Variants in ID3 observed in about 807,000 individuals in gnomAD.
ID3 encodes the protein inhibitor of DNA binding 3, also known as DNA-binding protein inhibitor ID-3.
ID3 carries 4 observed loss-of-function variants against 9.6 expected under a neutral mutation model. That is an observed-to-expected ratio of 0.42 (90% CI 0.21 to 0.96). The LOEUF is 0.96. Among genes scored for constraint, ID3 ranks in the 40% least tolerant of loss-of-function variants. The pLI is 0.30. For synonymous variants in ID3, 108 were observed against 75.2 expected, an observed-to-expected ratio of 1.44 and a Z score of -2.26; for missense variants, 191 against 164.5, an observed-to-expected ratio of 1.16 and a Z score of -0.88.
rs960108335 is a variant in ID3 at position 23,559,348 on chromosome 1, C to T, written c.79G>A (p.Gly27Ser). The T allele has an allele frequency of 9.9e-6, 16 of 1,613,354 alleles. No individual in the cohort carries two copies. The highest frequency in any genetic ancestry group is 1.3e-5 in the Non-Finnish European group (15 of 1,180,052). ...TCAGCTGCCGGGCCCTTCCCTCGGC[C>T]CCGGGCGATGGCCAGACTGCGTTCC... is the stretch of plus-strand genomic sequence containing the variant. ...LSERSLAIAR[G>S]RGKGPAAEEP... is the part of the protein sequence containing the mutation. Residue 27 changes from glycine to serine, a missense_variant, in exon 1 of 3, where the codon GGC becomes AGC. Transcript: ENST00000374561.
rs1643693504 is a variant in ID3 at position 23,559,480 on chromosome 1, C to T, written c.-54G>A. On this transcript the variant is annotated 5_prime_UTR_variant, in exon 1 of 3. Coordinates refer to ENST00000374561, the MANE Select transcript of ID3 (RefSeq NM_002167.5). ...AAGAGAAAGAAAACCAAAAGAAGTC[C>T]CGCTACAGTGACCTGCAACGCGCGC... 5 of 1,561,472 alleles carry T rather than the reference C, an allele frequency of 3.2e-6. No homozygotes were observed. The highest frequency in any genetic ancestry group is 3.5e-6 in the Non-Finnish European group (4 of 1,152,736).
At position 23,558,359 on chromosome 1, in the gene ID3, C is replaced by G. The variant is rs1156290748; in HGVS notation, c.*82G>C. Reference sequence around the variant, plus strand: ...GTTGGGGCCCATCCCTGCCGTCCGGCTTCCGGCAGGAGAGGTTCCCGGGGT... The same window carrying G: ...GTTGGGGCCCATCCCTGCCGTCCGGGTTCCGGCAGGAGAGGTTCCCGGGGT... On this transcript the variant is annotated 3_prime_UTR_variant, in exon 3 of 3. Transcript: ENST00000374561. 2 of 153,134 alleles carry G rather than the reference C, an allele frequency of 1.3e-5. No homozygotes were observed. The highest frequency in any genetic ancestry group is 2.9e-5 in the Non-Finnish European group (2 of 68,720). The allele number at this position is 153,134 out of a possible 1,614,324, so 9.5% of individuals were successfully genotyped here. A position where few individuals can be genotyped will look rare whatever the true frequency, so the allele number is the denominator to read the frequency against.
In ID3 at chr1:23,558,265, T is replaced by C. The variant is rs1643671444; in HGVS notation, c.*176A>G. 6.6e-6 allele frequency: 1 copy of C among 152,554 alleles called. No homozygotes were observed. Among genetic ancestry groups the C allele is most frequent in the Non-Finnish European group, 1.5e-5 (1 of 68,142 alleles). 9.5% of individuals were successfully genotyped at this position (152,554 alleles called of 1,614,324 possible). On this transcript the variant is annotated 3_prime_UTR_variant, in exon 3 of 3. Transcript: ENST00000374561. ...GGCTCTTCAGGCCACAAGTTCACAG[T>C]CCTTCGCTCCTGAGCACCAGGTTTA... is the stretch of plus-strand genomic sequence containing the variant.
Position 23,558,973 on chromosome 1 carries a change from C to T in ID3, c.347G>A (p.Ser116Asn). 2.5e-6 allele frequency: 4 copies of T among 1,614,108 alleles called. No individual in the cohort carries two copies. The highest frequency in any genetic ancestry group is 3.4e-6 in the Non-Finnish European group (4 of 1,179,974). The change falls in exon 2 of 3, where the codon AGC becomes AAC. Residue 116 changes from serine to asparagine, a missense_variant. By Grantham distance (46) the Ser-to-Asn change is conservative. Coordinates refer to ENST00000374561, the MANE Select transcript of ID3 (RefSeq NM_002167.5). ...GACACGGCCGAGTCAGTGGCAAAAG[C>T]TCCTTTTGTCGTTGGAGATGACAAG... is the stretch of plus-strand genomic sequence containing the variant. ...PELVISNDKR[S>N]FCH is the part of the protein sequence containing the mutation.
Position 23,559,044 on chromosome 1 carries a change from G to A in ID3, c.301-25C>T, listed in dbSNP as rs147934602. ...TCTGATTAGAGGAAAAGAGGGAAGA[G>A]TTACGCGAGGCAATCGGGAGCTCCG... On this transcript the variant is annotated intron_variant, in intron 1 of 2. Transcript: ENST00000374561. 9.6e-3 allele frequency: 15,535 copies of A among 1,613,316 alleles called. 92 individuals carry two copies. The highest frequency in any genetic ancestry group is 0.011 in the Non-Finnish European group (13,287 of 1,179,258).
At chr1:23,558,828 C>T (rs1643680707) in intron 2 of ID3, 107 bp downstream of exon 2, 3 of 703,190 alleles carry the variant, frequency 4.3e-6, no homozygotes, top group Non-Finnish European at 5.0e-6. Flanking sequence ...ACTTGTCCCT[C>T]TCTGGCCTCA....
At position 23,559,159 on chromosome 1, in the gene ID3, C is replaced by T; in HGVS notation, c.268G>A (p.Gly90Arg). Residue 90 changes from glycine (G) to arginine (R), a missense_variant, in exon 1 of 3, where the codon GGA becomes AGA. Transcript: ENST00000374561. ...LQVVLAEPAP[G>R]PPDGPHLPIQ... ...GGAAGGTGGGGGCCATCAGGGGGTC[C>T]AGGGGCTGGCTCGGCCAGGACTACC... 6.2e-7 allele frequency: 1 copy of T among 1,614,188 alleles called. No homozygotes were observed. Among genetic ancestry groups the T allele is most frequent in the South Asian group, 1.1e-5 (1 of 91,080 alleles).
At position 23,557,950 on chromosome 1, in the gene ID3, A is replaced by G. The variant is rs776010663; in HGVS notation, c.*491T>C. 3 of 152,672 alleles carry G rather than the reference A, an allele frequency of 2.0e-5. No homozygotes were observed. Among genetic ancestry groups the G allele is most frequent in the Non-Finnish European group, 4.4e-5 (3 of 68,050 alleles). 9.5% of individuals were successfully genotyped at this position (152,672 alleles called of 1,614,324 possible). A position where few individuals can be genotyped will look rare whatever the true frequency, so the allele number is the denominator to read the frequency against. ...ATACACAAGTGTTTAAAAATCGTTT[A>G]TTATGCAAAATGTTAACTTTTATAA... On this transcript the variant is annotated 3_prime_UTR_variant, in exon 3 of 3. Coordinates refer to ENST00000374561, the MANE Select transcript of ID3 (RefSeq NM_002167.5).
At chr1:23,558,888 C>T in intron 2 of ID3, 47 bp downstream of exon 2, 1 of 1,353,436 alleles carries the variant, frequency 7.4e-7, no homozygotes, top group African/African-American at 1.4e-5. Context: ...CTGCCAACTC[C>T]AGGACTTGCC....
At chr1:23,558,891 G>A in intron 2 of ID3, 44 bp downstream of exon 2, 2 of 1,368,584 alleles carry the variant, frequency 1.5e-6, no homozygotes, top group South Asian at 2.4e-5. Flanking sequence ...CCAACTCCAG[G>A]ACTTGCCGTT....
At position 23,558,855 on chromosome 1, in the gene ID3, T is replaced by G; in HGVS notation, c.*25+80A>C. 3 of 900,056 alleles carry G rather than the reference T, an allele frequency of 3.3e-6. No homozygotes were observed. In the South Asian group the frequency reaches 4.4e-5, roughly 13 times the overall value. The allele number at this position is 900,056 out of a possible 1,614,324, so 55.8% of individuals were successfully genotyped here. A position where few individuals can be genotyped will look rare whatever the true frequency, so the allele number is the denominator to read the frequency against. On this transcript the variant is annotated intron_variant, in intron 2 of 2. Coordinates refer to ENST00000374561, the MANE Select transcript of ID3 (RefSeq NM_002167.5). Reference sequence around the variant, plus strand: ...CTGGCCTCAGTTTCCCTAAACCGAGTGAGTGGCAATTTTTCAAAACGTCTG... The same window carrying G: ...CTGGCCTCAGTTTCCCTAAACCGAGGGAGTGGCAATTTTTCAAAACGTCTG...
Position 23,559,264 on chromosome 1 carries a change from C to T in ID3, c.163G>A (p.Val55Ile), listed in dbSNP as rs1272685807. ...NHCYSRLREL[V>I]PGVPRGTQLS... is the part of the protein sequence containing the mutation. ...TGAGTGCCTCTCGGGACTCCGGGTA[C>T]CAGTTCCCGCAGGCGGGAGTAGCAG... Residue 55 changes from valine to isoleucine, a missense_variant, in exon 1 of 3, where the codon GTA (valine) becomes ATA (isoleucine). Transcript: ENST00000374561. The T allele has an allele frequency of 6.2e-7, 1 of 1,614,150 alleles. No homozygotes were observed. The highest frequency in any genetic ancestry group is 2.2e-5 in the East Asian group (1 of 44,872).
rs1053664169 is a variant in ID3, at chr1:23,558,601, C to T, written c.*26-186G>A. ...AGACCACAGGCGGAGCTTGCGCTAC[C>T]CCTCCTACTTGGAATTGACACTAGC... On this transcript the variant is annotated intron_variant, in intron 2 of 2. Coordinates refer to ENST00000374561, the MANE Select transcript of ID3 (RefSeq NM_002167.5). The T allele has an allele frequency of 5.1e-5, 11 of 214,766 alleles. No homozygotes were observed. In the South Asian group the frequency reaches 8.5e-4, roughly 17 times the overall value. 13.3% of individuals were successfully genotyped at this position (214,766 alleles called of 1,614,324 possible).
intron 2 of ID3, chr1:23,558,708 C>CCAGA (rs1467147292): frequency 1.8e-6 from 1 of 545,706 alleles, no homozygotes; most frequent in Non-Finnish European, 3.3e-6. Flanking sequence ...GTCTACTTTG[C>CCAGA]CAGACCCTCG....
Position 23,558,421 on chromosome 1 carries a change from C to G in ID3, c.*26-6G>C, listed in dbSNP as rs751754938. 4 of 153,550 alleles carry G rather than the reference C, an allele frequency of 2.6e-5. No homozygotes were observed. The highest frequency in any genetic ancestry group is 2.0e-4 in the South Asian group (1 of 4,936). The allele number at this position is 153,550 out of a possible 1,614,324, so 9.5% of individuals were successfully genotyped here. A position where few individuals can be genotyped will look rare whatever the true frequency, so the allele number is the denominator to read the frequency against. ...CGGGCGCCAGCACCTGCGTTCTGGGCGGGGGAGGAAAGAAGACCAAGGAGC... is the reference window on the plus strand; with the variant it reads ...CGGGCGCCAGCACCTGCGTTCTGGGGGGGGGAGGAAAGAAGACCAAGGAGC... On this transcript the variant is annotated splice_polypyrimidine_tract_variant and splice_region_variant and intron_variant, in intron 2 of 2. Transcript: ENST00000374561.
rs755811687 is a variant in ID3 at position 23,558,965 on chromosome 1, G to A, written c.355C>T (p.His119Tyr). The change falls in exon 2 of 3, where the codon CAC (histidine) becomes TAC (tyrosine). Residue 119 changes from histidine to tyrosine, a missense_variant. Transcript: ENST00000374561. ...VISNDKRSFC[H>Y] Reference sequence around the variant, plus strand: ...GGTGTCAGGACACGGCCGAGTCAGTGGCAAAAGCTCCTTTTGTCGTTGGAG... The same window carrying A: ...GGTGTCAGGACACGGCCGAGTCAGTAGCAAAAGCTCCTTTTGTCGTTGGAG... 2.9e-5 allele frequency: 46 copies of A among 1,613,830 alleles called. No homozygotes were observed. The highest frequency in any genetic ancestry group is 2.8e-4 in the Admixed American group (17 of 59,982).
Position 23,559,479 on chromosome 1 carries a change from C to G in ID3, c.-53G>C, listed in dbSNP as rs1643693487. The G allele has an allele frequency of 6.4e-7, 1 of 1,564,458 alleles. No homozygotes were observed. On this transcript the variant is annotated 5_prime_UTR_variant, in exon 1 of 3. Transcript: ENST00000374561. ...AAAGAGAAAGAAAACCAAAAGAAGTCCCGCTACAGTGACCTGCAACGCGCG... is the reference window on the plus strand; with the variant it reads ...AAAGAGAAAGAAAACCAAAAGAAGTGCCGCTACAGTGACCTGCAACGCGCG...
rs753832107 is a variant in ID3 at position 23,559,301 on chromosome 1, G to A, written c.126C>T (p.Asp42=). The A allele has an allele frequency of 6.8e-6, 11 of 1,613,864 alleles. No individual in the cohort carries two copies. Among genetic ancestry groups the A allele is most frequent in the Admixed American group, 3.3e-5 (2 of 60,002 alleles). Residue 42 remains aspartate (D), a synonymous_variant, in exon 1 of 3, where the codon GAC becomes GAT. Transcript: ENST00000374561. ...GGCGGGAGTAGCAGTGGTTCATGTC[G>A]TCCAGCAAGCTCAGCGGCTCCTCAG... ...PAAEEPLSLL[D]DMNHCYSRLR...
At chr1:23,558,695 C>T (rs953683081) in intron 2 of ID3, 28 of 527,502 alleles carry the variant, frequency 5.3e-5, no homozygotes, top group African/African-American at 3.8e-4. Flanking sequence ...TAGTCGGACC[C>T]ATGTCTACTT....
Sources: gnomAD v4.1 joint callset for allele counts on GRCh38, gnomAD v4.1.1 for gene constraint, MANE v1.5 for transcripts, NCBI Gene and HGNC (gene_info 2026-07-23, HGNC 2026-07-21) for gene names.